The following KLHL1 variants were observed in gnomAD, a reference collection of about 807,000 sequenced individuals.
KLHL1 encodes kelch-like protein 1.
A neutral mutation model predicts 77.7 loss-of-function variants in KLHL1; 47 were observed. The ratio of observed to expected loss-of-function variants is 0.60; its 90% confidence interval spans 0.48 to 0.77. The LOEUF is 0.77. Ranked by LOEUF, KLHL1 falls within the 30% of genes least tolerant of loss-of-function variation. KLHL1 has a pLI of 0.00. For synonymous variants in KLHL1, 360 were observed against 325.2 expected (o/e 1.11, Z -1.15); for missense variants, 925 against 910.8 (o/e 1.02, Z -0.20).
chr13:70,047,292 A>AC (rs1053486083), intron 1 of KLHL1, among the ~76,000 whole-genome samples: 3 of 151,636 alleles, frequency 2.0e-5, no homozygotes, highest in African/African-American at 7.3e-5. Context: ...AAAAAAAAAA[A>AC]CCCACAAAGA....
chr13:70,009,233 A>G (rs946459677), intron 1 of KLHL1, among the ~76,000 whole-genome samples: 1 of 152,134 alleles, frequency 6.6e-6, no homozygotes, highest in African/African-American at 2.4e-5. Flanking sequence ...AACGAAGACT[A>G]CACACTGCAA....
chr13:69,974,014 C>T (rs975160108), intron 2 of KLHL1, among the ~76,000 whole-genome samples: 13 of 151,894 alleles, frequency 8.6e-5, no homozygotes, highest in African/African-American at 3.1e-4. Context: ...GAAAACTTTC[C>T]CCTGGTCTTC....
chr13:69,839,059 GTTC>G lies in KLHL1; in HGVS notation c.1328_1330del (p.Arg443del). 6.2e-7 allele frequency: 1 copy of G among 1,611,062 alleles called. No homozygotes were observed. Among genetic ancestry groups the G allele is most frequent in the Non-Finnish European group, 8.5e-7 (1 of 1,178,316 alleles). On this transcript the variant is annotated inframe_deletion, in exon 6 of 11. Coordinates refer to ENST00000377844, the MANE Select transcript of KLHL1 (RefSeq NM_020866.3). Reference sequence around the variant, plus strand: ...TTTAGTTCTCGGACTTTGCATTAAAGTTCTTCTTTCTGGCAATAGATGGTATTT... The same window carrying G: ...TTTAGTTCTCGGACTTTGCATTAAAGTTCTTTCTGGCAATAGATGGTATTT...
chr13:69,876,866 C>T (rs189289397), intron 5 of KLHL1, among the ~76,000 whole-genome samples: 5 of 152,062 alleles, frequency 3.3e-5, no homozygotes, highest in Admixed American at 2.6e-4. Context: ...GGCAAAACCC[C>T]GTCTCTATTA....
At chr13:70,074,315 G>A (rs7987706) in intron 1 of KLHL1, among the ~76,000 whole-genome samples, 3 of 151,796 alleles carry the variant, frequency 2.0e-5, no homozygotes, top group Non-Finnish European at 4.4e-5. Flanking sequence ...TCTGTCGTCT[G>A]TCTGGTCCCT....
intron 7 of KLHL1, among the ~76,000 whole-genome samples, chr13:69,768,018 A>C (rs1216823198): frequency 6.6e-6 from 1 of 152,218 alleles, no homozygotes; most frequent in African/African-American, 2.4e-5. Flanking sequence ...AGTAAAATAC[A>C]TTTGTTTGTA....
At chr13:69,738,477 A>G (rs1873853569) in intron 8 of KLHL1, among the ~76,000 whole-genome samples, 1 of 152,144 alleles carries the variant, frequency 6.6e-6, no homozygotes, top group African/African-American at 2.4e-5. Flanking sequence ...GTCCTAACTC[A>G]TTGCAAAGAA....
intron 8 of KLHL1, among the ~76,000 whole-genome samples, chr13:69,732,453 A>G (rs1593781615): frequency 6.6e-6 from 1 of 151,968 alleles, no homozygotes; most frequent in African/African-American, 2.4e-5. Context: ...ATTTTTGAGG[A>G]GGAAGTACAA....
chr13:69,933,523 T>G (rs545217996), intron 4 of KLHL1, among the ~76,000 whole-genome samples: 1 of 152,112 alleles, frequency 6.6e-6, no homozygotes, highest in Non-Finnish European at 1.5e-5. Context: ...TTGATATAGT[T>G]TGTTCTTTCT....
chr13:69,820,993 C>G (rs1028544761), intron 6 of KLHL1, among the ~76,000 whole-genome samples: 2 of 152,176 alleles, frequency 1.3e-5, no homozygotes, highest in Non-Finnish European at 2.9e-5. Context: ...TTCTTTCTTG[C>G]AACCACGTGA....
intron 1 of KLHL1, among the ~76,000 whole-genome samples, chr13:70,088,355 G>A (rs1436139555): frequency 6.6e-6 from 1 of 151,446 alleles, no homozygotes; most frequent in Admixed American, 6.6e-5. Flanking sequence ...GATAATGGAT[G>A]ATAATTCATT....
chr13:70,048,173 C>A (rs1450036789), intron 1 of KLHL1, among the ~76,000 whole-genome samples: 2 of 152,104 alleles, frequency 1.3e-5, no homozygotes, highest in Non-Finnish European at 2.9e-5. Flanking sequence ...AATATACTTT[C>A]CCTAGATTTT....
At chr13:69,951,357 G>C (rs988753344) in intron 3 of KLHL1, among the ~76,000 whole-genome samples, 1 of 151,380 alleles carries the variant, frequency 6.6e-6, no homozygotes, top group Non-Finnish European at 1.5e-5. Context: ...AACTAGAAGG[G>C]AGATAGAAAG....
At position 69,778,646 on chromosome 13, in the gene KLHL1, A is replaced by G. The variant is rs184468626; in HGVS notation, c.1639+18092T>C. On this transcript the variant is annotated intron_variant, in intron 7 of 10. Transcript: ENST00000377844. Reference sequence around the variant, plus strand: ...TGCCTCTGGAAATGAGTAACAGGTTAGGTAAAAGCTTGATTAGTGAATAAG... The same window carrying G: ...TGCCTCTGGAAATGAGTAACAGGTTGGGTAAAAGCTTGATTAGTGAATAAG... Among the ~76,000 whole-genome samples the G allele has an allele frequency of 3.8e-3, 585 of 152,248 alleles. 4 individuals carry two copies. Among genetic ancestry groups the G allele is most frequent in the Middle Eastern group, 0.01 (3 of 294 alleles).
At chr13:69,941,835 C>T (rs1883374311) in intron 3 of KLHL1, among the ~76,000 whole-genome samples, 2 of 151,850 alleles carry the variant, frequency 1.3e-5, no homozygotes, top group South Asian at 4.1e-4. Context: ...GCTATGAACA[C>T]CTTATGTGCA....
At chr13:69,854,338 T>C (rs1364379) in intron 5 of KLHL1, among the ~76,000 whole-genome samples, 24,081 of 151,640 alleles carry the variant, frequency 0.16, 2,036 homozygotes, top group East Asian at 0.25. Flanking sequence ...CAGCAAGAAA[T>C]GAAGAAAGAG....
At chr13:70,086,264 G>A (rs141711208) in intron 1 of KLHL1, among the ~76,000 whole-genome samples, 4 of 144,900 alleles carry the variant, frequency 2.8e-5, no homozygotes, top group Non-Finnish European at 6.0e-5. Context: ...AGAAATGAAG[G>A]GTTAAATAAA....
chr13:70,004,478 C>G (rs1454221971), intron 1 of KLHL1, among the ~76,000 whole-genome samples: 2 of 151,370 alleles, frequency 1.3e-5, no homozygotes, highest in African/African-American at 4.8e-5. Flanking sequence ...CAATTGCAAT[C>G]TAATTGGAAG....
chr13:69,869,906 C>CA (rs887739270), intron 5 of KLHL1, among the ~76,000 whole-genome samples: 1 of 151,934 alleles, frequency 6.6e-6, no homozygotes, highest in Non-Finnish European at 1.5e-5. Flanking sequence ...ATGATTATTA[C>CA]AAAAAATACT....
Sources: allele counts gnomAD v4.1 joint callset (sites outside exome capture counted in the v4.1 genomes callset), GRCh38; gene constraint gnomAD v4.1.1; transcripts MANE v1.5; gene names NCBI Gene and HGNC (gene_info 2026-07-23, HGNC 2026-07-21).